DACH2: variants seen among roughly 807,000 people sequenced by gnomAD.
DACH2 encodes dachshund family transcription factor 2.
Under a neutral mutation model 35.8 loss-of-function variants are expected in DACH2, and 17 were observed. That is an observed-to-expected ratio of 0.48 (90% CI 0.33 to 0.71). DACH2 has a LOEUF of 0.71. Ranked by LOEUF, DACH2 falls within the 30% of genes least tolerant of loss-of-function variation. The probability of loss-of-function intolerance (pLI) is 0.02; values close to 1 mark genes in which losing one functional copy is unlikely to be tolerated. For missense variants in DACH2, 469 were observed against 472.7 expected (o/e 0.99, Z 0.07); for synonymous variants, 195 against 177.3 (o/e 1.10, Z -0.79).
intron 2 of DACH2, among the ~76,000 whole-genome samples, chrX:86,478,196 T>C (rs2037877844): frequency 8.9e-6 from 1 of 111,996 alleles, no homozygotes; most frequent in South Asian, 3.7e-4. Context: ...CTATGACCAG[T>C]AAGTTTTGTA....
intron 1 of DACH2, among the ~76,000 whole-genome samples, chrX:86,318,682 C>A: frequency 9.0e-6 from 1 of 111,105 alleles, no homozygotes; most frequent in Admixed American, 9.6e-5. Flanking sequence ...ATTCCATGTA[C>A]CTAAACATGT....
intron 2 of DACH2, among the ~76,000 whole-genome samples, chrX:86,447,333 C>A (rs1349521803): frequency 7.0e-5 from 1 of 14,371 alleles, no homozygotes; most frequent in Non-Finnish European, 1.1e-4. Flanking sequence ...TCTTTTGTTG[C>A]CATTGCTTTT....
At chrX:86,447,302 A>G (rs2037303894) in intron 2 of DACH2, among the ~76,000 whole-genome samples, 1 of 24,343 alleles carries the variant, frequency 4.1e-5, no homozygotes, top group Admixed American at 7.3e-4. Context: ...TAGTTTAATT[A>G]GATCCCATTT....
At chrX:86,305,329 G>T (rs1483093498) in intron 1 of DACH2, among the ~76,000 whole-genome samples, 1 of 111,194 alleles carries the variant, frequency 9.0e-6, no homozygotes, top group Non-Finnish European at 1.9e-5. Flanking sequence ...ATTTTCTCCT[G>T]ATATAAAATG....
chrX:86,306,019 ATATGGGAAATAC>A (rs2148018500), intron 1 of DACH2, among the ~76,000 whole-genome samples: 1 of 112,369 alleles, frequency 8.9e-6, no homozygotes, highest in East Asian at 2.8e-4. Context: ...TAGTTTAGTC[ATATGGGAAATAC>A]TATGGAGGTT....
intron 1 of DACH2, among the ~76,000 whole-genome samples, chrX:86,243,368 G>A (rs1049154866): frequency 8.9e-6 from 1 of 111,835 alleles, no homozygotes; most frequent in African/African-American, 3.2e-5. Context: ...ATGATAATAT[G>A]TGTTAATTTG....
chrX:86,529,981 A>G (rs200742921), intron 3 of DACH2, among the ~76,000 whole-genome samples: 3,847 of 101,144 alleles, frequency 0.038, 79 homozygotes, highest in Middle Eastern at 0.055. Flanking sequence ...ACACACGCAC[A>G]CACACACACA....
intron 7 of DACH2, among the ~76,000 whole-genome samples, chrX:86,797,820 C>T (rs1317804241): frequency 9.0e-6 from 1 of 111,684 alleles, no homozygotes; most frequent in Non-Finnish European, 1.9e-5. Flanking sequence ...AGGATAAATA[C>T]AAGCAATCAG....
intron 7 of DACH2, among the ~76,000 whole-genome samples, chrX:86,794,936 GCTGA>G (rs1439835049): frequency 1.8e-5 from 2 of 111,609 alleles, no homozygotes; most frequent in African/African-American, 6.5e-5. Context: ...AGAATCATAG[GCTGA>G]CTATGATGCA....
intron 4 of DACH2, among the ~76,000 whole-genome samples, chrX:86,679,405 A>AAG (rs1374176422): frequency 1.8e-5 from 2 of 111,899 alleles, no homozygotes; most frequent in African/African-American, 6.5e-5. Flanking sequence ...CTGTTCTACA[A>AAG]AGTTCTAAAA....
At chrX:86,312,780 A>C (rs1433198425) in intron 1 of DACH2, among the ~76,000 whole-genome samples, 1 of 111,689 alleles carries the variant, frequency 9.0e-6, no homozygotes, top group Non-Finnish European at 1.9e-5. Flanking sequence ...CTCAGCTTGC[A>C]GACAGCCTAT....
chrX:86,695,205 G>T, intron 5 of DACH2, 26 bp downstream of exon 5: 3 of 975,265 alleles, frequency 3.1e-6, no homozygotes, highest in Non-Finnish European at 2.6e-6. Context: ...TCACAAAACT[G>T]GGTGTGTTGA....
intron 7 of DACH2, among the ~76,000 whole-genome samples, chrX:86,796,014 T>C (rs924945157): frequency 3.6e-5 from 4 of 111,739 alleles, no homozygotes; most frequent in African/African-American, 1.3e-4. Context: ...TGCCACAGCG[T>C]GGAGGGGGAC....
At chrX:86,520,866 G>A (rs1371671229) in intron 3 of DACH2, among the ~76,000 whole-genome samples, 2 of 111,333 alleles carry the variant, frequency 1.8e-5, no homozygotes, top group Non-Finnish European at 3.8e-5. Flanking sequence ...TTGCCACTAT[G>A]TGCCTTTTAA....
chrX:86,363,819 C>A (rs745319590), intron 1 of DACH2, among the ~76,000 whole-genome samples: 1 of 111,240 alleles, frequency 9.0e-6, no homozygotes, highest in South Asian at 3.7e-4. Flanking sequence ...ATGGATGAAC[C>A]ATAATAGTAT....
intron 1 of DACH2, among the ~76,000 whole-genome samples, chrX:86,206,550 G>A (rs1469232603): frequency 8.9e-6 from 1 of 112,089 alleles, no homozygotes; most frequent in African/African-American, 3.2e-5. Context: ...GACTTATGAG[G>A]AAGGCGTCAT....
At chrX:86,371,180 AAG>A (rs1246213632) in intron 1 of DACH2, among the ~76,000 whole-genome samples, 1 of 110,573 alleles carries the variant, frequency 9.0e-6, no homozygotes, top group Non-Finnish European at 1.9e-5. Flanking sequence ...ATGTTAATAC[AAG>A]AGTGTATATA....
intron 7 of DACH2, among the ~76,000 whole-genome samples, chrX:86,763,657 T>G (rs1273987597): frequency 9.0e-6 from 1 of 111,112 alleles, no homozygotes; most frequent in Non-Finnish European, 1.9e-5. Flanking sequence ...TTTCACCGTG[T>G]TAGCCAGGAT....
intron 2 of DACH2, among the ~76,000 whole-genome samples, chrX:86,424,066 A>G (rs192383163): frequency 1.3e-4 from 14 of 110,642 alleles, no homozygotes; most frequent in African/African-American, 3.9e-4. Flanking sequence ...TGCCAGTACC[A>G]TCTTGTTTTG....
Sources: allele counts gnomAD v4.1 joint callset (sites outside exome capture counted in the v4.1 genomes callset), GRCh38; gene constraint gnomAD v4.1.1; transcripts MANE v1.5; gene names NCBI Gene and HGNC (gene_info 2026-07-23, HGNC 2026-07-21).